LUZP2: variants seen among roughly 807,000 people sequenced by gnomAD.
LUZP2 encodes leucine zipper protein 2.
A neutral mutation model predicts 51.6 loss-of-function variants in LUZP2; 52 were observed. The ratio of observed to expected loss-of-function variants is 1.01; its 90% CI spans 0.81 to 1.27. The LOEUF (loss-of-function observed/expected upper bound fraction) is 1.27, where lower values mean the gene tolerates loss of function less well. LUZP2 is among the 50% of genes most tolerant of loss of function. The pLI is 0.00. For missense variants in LUZP2, 436 were observed against 395.4 expected (o/e 1.10, Z -0.87); for synonymous variants, 154 against 137.3 (o/e 1.12, Z -0.85).
intron 1 of LUZP2, among the ~76,000 whole-genome samples, chr11:24,671,688 C>T (rs1856406087): frequency 6.6e-6 from 1 of 152,032 alleles, no homozygotes; most frequent in Non-Finnish European, 1.5e-5. Flanking sequence ...TTAACAGACA[C>T]ACAAGAGAGA....
chr11:24,959,603 T>C (rs1210065527), intron 7 of LUZP2, among the ~76,000 whole-genome samples: 1 of 152,238 alleles, frequency 6.6e-6, no homozygotes, highest in Admixed American at 6.5e-5. Context: ...ATTGATTTTG[T>C]ATCCTGAGAC....
chr11:24,911,101 G>T (rs1853619492), intron 6 of LUZP2, among the ~76,000 whole-genome samples: 1 of 152,136 alleles, frequency 6.6e-6, no homozygotes, highest in Admixed American at 6.5e-5. Flanking sequence ...TGGCCCCTTT[G>T]TTTTGGCCAA....
At chr11:24,613,044 T>G (rs890462004) in intron 1 of LUZP2, among the ~76,000 whole-genome samples, 1 of 152,108 alleles carries the variant, frequency 6.6e-6, no homozygotes, top group Non-Finnish European at 1.5e-5. Flanking sequence ...ATGTAGAATT[T>G]CACAATAAAC....
chr11:24,803,320 C>T (rs904313463), intron 5 of LUZP2, among the ~76,000 whole-genome samples: 7 of 151,956 alleles, frequency 4.6e-5, no homozygotes, highest in Non-Finnish European at 5.9e-5. Context: ...CTTCATACGT[C>T]TTAGCCATCC....
intron 9 of LUZP2, among the ~76,000 whole-genome samples, chr11:25,004,152 T>A (rs747603338): frequency 3.5e-4 from 54 of 152,272 alleles, no homozygotes; most frequent in South Asian, 1.4e-3. Context: ...GTCCAGTTGT[T>A]GGATCATCTG....
At chr11:24,937,796 G>T (rs2133844361) in intron 7 of LUZP2, among the ~76,000 whole-genome samples, 1 of 151,998 alleles carries the variant, frequency 6.6e-6, no homozygotes, top group South Asian at 2.1e-4. Context: ...AGACACATGG[G>T]AGGCTGAGGC....
chr11:24,808,770 C>A (rs904429915), intron 5 of LUZP2, among the ~76,000 whole-genome samples: 1 of 151,958 alleles, frequency 6.6e-6, no homozygotes. Flanking sequence ...TGTAACAAAT[C>A]CCAGCTATCA....
At chr11:24,893,564 T>C (rs1418901387) in intron 5 of LUZP2, among the ~76,000 whole-genome samples, 3 of 152,204 alleles carry the variant, frequency 2.0e-5, no homozygotes, top group African/African-American at 4.8e-5. Context: ...TATCACCTAA[T>C]AGCATGAAGG....
chr11:24,955,762 C>G (rs1855194817), intron 7 of LUZP2, among the ~76,000 whole-genome samples: 1 of 151,942 alleles, frequency 6.6e-6, no homozygotes, highest in African/African-American at 2.4e-5. Flanking sequence ...ACTGTGTAGA[C>G]AAACAAACTT....
chr11:24,595,975 G>T (rs1197015089), intron 1 of LUZP2, among the ~76,000 whole-genome samples: 1 of 152,168 alleles, frequency 6.6e-6, no homozygotes, highest in African/African-American at 2.4e-5. Flanking sequence ...ATCTAAGACA[G>T]CAAGTTCCAT....
At chr11:24,875,001 C>A (rs910031299) in intron 5 of LUZP2, among the ~76,000 whole-genome samples, 5 of 152,100 alleles carry the variant, frequency 3.3e-5, no homozygotes, top group African/African-American at 1.2e-4. Context: ...CTTGCTGGGG[C>A]CATGTTCCTA....
At chr11:24,574,521 A>G (rs1852576623) in intron 1 of LUZP2, among the ~76,000 whole-genome samples, 2 of 151,958 alleles carry the variant, frequency 1.3e-5, no homozygotes, top group South Asian at 4.1e-4. Context: ...CTAATAATGC[A>G]AAGAAAAATT....
Position 24,848,006 on chromosome 11 carries a change from T to C in LUZP2, c.397-57985T>C, listed in dbSNP as rs150669729. On this transcript the variant is annotated intron_variant, in intron 5 of 11. Coordinates refer to ENST00000336930, the MANE Select transcript of LUZP2 (RefSeq NM_001009909.4). ...TTCTGGTACATAGAATCATTTAAGA[T>C]CACTTTGACTTTTATCTGACTCAGT... 4.4e-3 allele frequency among the ~76,000 whole-genome samples: 667 copies of C among 152,274 alleles called. 6 individuals are homozygous for C. The highest frequency in any genetic ancestry group is 0.015 in the African/African-American group (631 of 41,556).
At chr11:24,980,456 A>C (rs1855996408) in intron 8 of LUZP2, among the ~76,000 whole-genome samples, 2 of 151,708 alleles carry the variant, frequency 1.3e-5, no homozygotes, top group African/African-American at 4.8e-5. Context: ...ATATAAGATA[A>C]AATGATAAAT....
chr11:24,897,474 A>G (rs1337193901), intron 5 of LUZP2, among the ~76,000 whole-genome samples: 1 of 152,046 alleles, frequency 6.6e-6, no homozygotes, highest in Non-Finnish European at 1.5e-5. Flanking sequence ...CACCGGGAGG[A>G]ATGAACAACT....
intron 5 of LUZP2, among the ~76,000 whole-genome samples, chr11:24,894,760 T>C (rs1458321509): frequency 1.3e-5 from 2 of 152,204 alleles, no homozygotes; most frequent in Non-Finnish European, 2.9e-5. Context: ...TTCTAAAGAA[T>C]GAATCTTTCC....
At chr11:24,744,101 G>A (rs1336832826) in intron 4 of LUZP2, among the ~76,000 whole-genome samples, 1 of 151,950 alleles carries the variant, frequency 6.6e-6, no homozygotes, top group Non-Finnish European at 1.5e-5. Context: ...TTGATATGTT[G>A]GATTCAGTTA....
rs528343431 is a variant in LUZP2 at position 24,735,443 on chromosome 11, C to A, written c.252-2778C>A. ...GTCCTTGAGCAAAAGAGAATAAAAC[C>A]TTTTATTCTTTAAGGTGGTTGGTTG... is the stretch of plus-strand genomic sequence containing the variant. On this transcript the variant is annotated intron_variant, in intron 3 of 11. Coordinates refer to ENST00000336930, the MANE Select transcript of LUZP2 (RefSeq NM_001009909.4). Among the ~76,000 whole-genome samples, 47 of 151,828 alleles carry A rather than the reference C, an allele frequency of 3.1e-4. No individual in the cohort carries two copies. In the South Asian group the frequency reaches 8.5e-3, roughly 28 times the overall value.
chr11:24,925,795 G>A (rs1237740654), intron 7 of LUZP2, among the ~76,000 whole-genome samples: 3 of 151,780 alleles, frequency 2.0e-5, no homozygotes, highest in Admixed American at 2.0e-4. Context: ...TTGCTTACAT[G>A]AATTAGTTTG....
Sources: gnomAD v4.1 joint callset for allele counts (sites outside exome capture counted in the v4.1 genomes callset) on GRCh38, gnomAD v4.1.1 for gene constraint, MANE v1.5 for transcripts, NCBI Gene and HGNC (gene_info 2026-07-23, HGNC 2026-07-21) for gene names.